RSPO3: variants seen among roughly 807,000 people sequenced by gnomAD.
The protein encoded by RSPO3 is R-spondin 3.
RSPO3 carries 17 observed loss-of-function variants against 36.5 expected under a neutral mutation model. The ratio of observed to expected loss-of-function variants is 0.47; its 90% CI spans 0.32 to 0.70. The LOEUF (loss-of-function observed/expected upper bound fraction) is 0.70, where lower values mean the gene tolerates loss of function less well. RSPO3 is among the 30% of genes least tolerant of loss of function. The pLI is 0.04. For missense variants in RSPO3, 294 were observed against 322.5 expected (o/e 0.91, Z 0.68); for synonymous variants, 108 against 107.0 (o/e 1.01, Z -0.06).
intron 4 of RSPO3, among the ~76,000 whole-genome samples, chr6:127,172,931 G>A (rs748143093): frequency 7.9e-5 from 12 of 151,692 alleles, no homozygotes; most frequent in Non-Finnish European, 1.6e-4. Flanking sequence ...CCTTAAGAAT[G>A]TCAGTTAATA....
At chr6:127,168,998 G>A (rs1358092693) in intron 4 of RSPO3, among the ~76,000 whole-genome samples, 1 of 152,004 alleles carries the variant, frequency 6.6e-6, no homozygotes, top group Non-Finnish European at 1.5e-5. Flanking sequence ...TTTGGTTACT[G>A]TAGCCTTGTA....
chr6:127,164,369 G>A lies in RSPO3; in HGVS notation c.634+8931G>A, dbSNP rs573902871. The stretch of plus-strand genomic sequence containing the variant: ...AACAAAACTTACCAAATCTAGAAAC[G>A]TATGTTTTTCTACAAGATAATCCCT... On this transcript the variant is annotated intron_variant, in intron 4 of 4. Coordinates refer to ENST00000356698, the MANE Select transcript of RSPO3 (RefSeq NM_032784.5). 2.6e-4 allele frequency among the ~76,000 whole-genome samples: 40 copies of A among 152,110 alleles called. 1 individual carries two copies. The highest frequency in any genetic ancestry group is 6.8e-3 in the Middle Eastern group (2 of 294).
At chr6:127,167,658 C>G (rs930947561) in intron 4 of RSPO3, among the ~76,000 whole-genome samples, 11 of 151,738 alleles carry the variant, frequency 7.2e-5, no homozygotes, top group African/African-American at 2.7e-4. Context: ...ATGTGCACAA[C>G]ATGCAGGTTT....
chr6:127,120,264 G>GC (rs1222636185), intron 1 of RSPO3, among the ~76,000 whole-genome samples: 2 of 152,154 alleles, frequency 1.3e-5, no homozygotes, highest in Admixed American at 1.3e-4. Context: ...ACCTCTCCTC[G>GC]CTCCAGGGTA....
At chr6:127,155,143 A>G (rs1774567021) in intron 3 of RSPO3, 98 bp from the exon 4 acceptor site, 1 of 1,169,528 alleles carries the variant, frequency 8.6e-7, no homozygotes, top group South Asian at 1.3e-5. Flanking sequence ...TTCTTCTCAA[A>G]TGTGGGCAAG....
chr6:127,119,675 C>G (rs902295039), intron 1 of RSPO3, among the ~76,000 whole-genome samples: 4 of 152,242 alleles, frequency 2.6e-5, no homozygotes, highest in Non-Finnish European at 5.9e-5. Context: ...TGCCTCTGAC[C>G]GCTGAGTAAA....
chr6:127,122,764 A>G (rs186028314), intron 1 of RSPO3, among the ~76,000 whole-genome samples: 2 of 152,332 alleles, frequency 1.3e-5, no homozygotes, highest in Admixed American at 6.5e-5. Context: ...TATTTTATAT[A>G]ATGGTGATCA....
At chr6:127,162,458 A>G (rs528594768) in intron 4 of RSPO3, among the ~76,000 whole-genome samples, 1 of 152,240 alleles carries the variant, frequency 6.6e-6, no homozygotes, top group South Asian at 2.1e-4. Flanking sequence ...TTCCTTTGTA[A>G]AAACAGTCAA....
At chr6:127,147,130 G>C (rs748996677) in intron 1 of RSPO3, among the ~76,000 whole-genome samples, 21 of 152,086 alleles carry the variant, frequency 1.4e-4, no homozygotes, top group Non-Finnish European at 2.9e-4. Context: ...CTTGGAATGA[G>C]AATGAGCTGC....
intron 1 of RSPO3, among the ~76,000 whole-genome samples, chr6:127,141,382 A>G (rs1299834790): frequency 1.3e-5 from 2 of 152,022 alleles, no homozygotes; most frequent in Non-Finnish European, 2.9e-5. Flanking sequence ...CATTTTCTTA[A>G]TATTTTGGGC....
intron 1 of RSPO3, among the ~76,000 whole-genome samples, chr6:127,134,028 G>A (rs1033263085): frequency 9.2e-5 from 14 of 152,084 alleles, no homozygotes; most frequent in African/African-American, 2.4e-4. Context: ...TTTAAATAGC[G>A]TTGGAAATTA....
At chr6:127,150,393 T>C in intron 2 of RSPO3, 33 bp from the exon 3 acceptor site, 1 of 1,595,444 alleles carries the variant, frequency 6.3e-7, no homozygotes, top group African/African-American at 1.3e-5. Flanking sequence ...GAGAACATAA[T>C]GCAAGCATAT....
At chr6:127,137,044 T>C (rs572722475) in intron 1 of RSPO3, among the ~76,000 whole-genome samples, 7 of 152,164 alleles carry the variant, frequency 4.6e-5, no homozygotes, top group Non-Finnish European at 1.0e-4. Flanking sequence ...TCTATGGTAG[T>C]AGAACTTTCT....
chr6:127,149,028 A>G (rs1286847503), intron 2 of RSPO3, among the ~76,000 whole-genome samples, 189 bp downstream of exon 2: 1 of 152,060 alleles, frequency 6.6e-6, no homozygotes, highest in Non-Finnish European at 1.5e-5. Context: ...ACAAAAAAGC[A>G]CTCATGTTTT....
At chr6:127,162,902 C>T (rs1774739111) in intron 4 of RSPO3, among the ~76,000 whole-genome samples, 1 of 152,138 alleles carries the variant, frequency 6.6e-6, no homozygotes, top group African/African-American at 2.4e-5. Flanking sequence ...AATGTGAATA[C>T]ATGTATTTTT....
chr6:127,170,072 A>T (rs1273171348), intron 4 of RSPO3, among the ~76,000 whole-genome samples: 1 of 151,734 alleles, frequency 6.6e-6, no homozygotes, highest in Non-Finnish European at 1.5e-5. Context: ...GTGTTCTGAG[A>T]AGGTCTGCCA....
chr6:127,194,940 C>A (rs1332819627), intron 4 of RSPO3, among the ~76,000 whole-genome samples: 2 of 152,082 alleles, frequency 1.3e-5, no homozygotes, highest in African/African-American at 4.8e-5. Context: ...GTCATCACCA[C>A]CCTGCATGTA....
rs541411311 is a variant in RSPO3, at chr6:127,173,602, T to C, written c.634+18164T>C. ...TACTCAATTTATGAAGCATATATGG[T>C]CTCCTAAATGCTGTGTGAATCATTG... On this transcript the variant is annotated intron_variant, in intron 4 of 4. Transcript: ENST00000356698. 9.2e-5 allele frequency among the ~76,000 whole-genome samples: 14 copies of C among 152,000 alleles called. No homozygotes were observed. In the East Asian group the frequency reaches 2.3e-3, roughly 25 times the overall value.
intron 4 of RSPO3, among the ~76,000 whole-genome samples, chr6:127,165,274 A>C (rs1285429265): frequency 6.6e-6 from 1 of 152,090 alleles, no homozygotes; most frequent in African/African-American, 2.4e-5. Context: ...TCATAATGTA[A>C]TTAGTAGAAT....
Sources: allele counts gnomAD v4.1 joint callset (sites outside exome capture counted in the v4.1 genomes callset), GRCh38; gene constraint gnomAD v4.1.1; transcripts MANE v1.5; gene names NCBI Gene and HGNC (gene_info 2026-07-23, HGNC 2026-07-21).